Variants in UBE2E2 observed in about 807,000 individuals in gnomAD.
UBE2E2 encodes the protein ubiquitin conjugating enzyme E2 E2.
UBE2E2 carries 6 observed loss-of-function variants against 24.7 expected under a neutral mutation model. That is an observed-to-expected ratio of 0.24 (90% confidence interval 0.13 to 0.48). The LOEUF is 0.48. Ranked by LOEUF, UBE2E2 falls within the 20% of genes least tolerant of loss-of-function variation. UBE2E2 has a pLI of 0.99. For missense variants in UBE2E2, 169 were observed against 245.0 expected (o/e 0.69, Z 2.07); for synonymous variants, 104 against 83.6 (o/e 1.24, Z -1.33).
intron 3 of UBE2E2, among the ~76,000 whole-genome samples, chr3:23,415,084 G>A (rs914620575): frequency 7.9e-5 from 12 of 152,170 alleles, no homozygotes; most frequent in Non-Finnish European, 1.5e-4. Flanking sequence ...CAAGGTTGGG[G>A]AACTTGTAAG....
chr3:23,335,694 C>T (rs984110549), intron 3 of UBE2E2, among the ~76,000 whole-genome samples: 2 of 152,096 alleles, frequency 1.3e-5, no homozygotes. Context: ...GCCACCTCAC[C>T]TGGCTAATTT....
intron 3 of UBE2E2, among the ~76,000 whole-genome samples, chr3:23,388,527 A>G (rs963256936): frequency 2.0e-5 from 3 of 152,210 alleles, no homozygotes; most frequent in Non-Finnish European, 4.4e-5. Flanking sequence ...TAAAGCTTTT[A>G]TTAGCACCTT....
intron 3 of UBE2E2, among the ~76,000 whole-genome samples, chr3:23,411,841 A>T (rs564007182): frequency 6.6e-6 from 1 of 152,258 alleles, no homozygotes; most frequent in East Asian, 1.9e-4. Flanking sequence ...TATTGTTATA[A>T]TTATTATGTG....
chr3:23,258,934 C>T (rs1697821111), intron 3 of UBE2E2, among the ~76,000 whole-genome samples: 1 of 150,152 alleles, frequency 6.7e-6, no homozygotes, highest in South Asian at 2.1e-4. Context: ...AGATTCTAAC[C>T]CCAGGAAAGG....
intron 4 of UBE2E2, among the ~76,000 whole-genome samples, chr3:23,503,705 T>C (rs1473218527): frequency 6.6e-6 from 1 of 151,772 alleles, no homozygotes; most frequent in African/African-American, 2.4e-5. Context: ...AATACAAAAA[T>C]TATCTGGGCA....
intron 3 of UBE2E2, among the ~76,000 whole-genome samples, chr3:23,429,780 C>T (rs528762714): frequency 6.6e-6 from 1 of 152,214 alleles, no homozygotes; most frequent in African/African-American, 2.4e-5. Flanking sequence ...CGAAAAGAAT[C>T]GACAAGAAAC....
At chr3:23,352,946 G>A (rs1231356057) in intron 3 of UBE2E2, among the ~76,000 whole-genome samples, 1 of 152,148 alleles carries the variant, frequency 6.6e-6, no homozygotes, top group Non-Finnish European at 1.5e-5. Context: ...GAGAATTTTA[G>A]ACCAATATCC....
chr3:23,221,536 G>A (rs892660428), intron 3 of UBE2E2, among the ~76,000 whole-genome samples: 2 of 151,988 alleles, frequency 1.3e-5, no homozygotes, highest in African/African-American at 2.4e-5. Context: ...TGGACATTTT[G>A]TATAAATGAA....
chr3:23,286,197 T>C (rs1324231489), intron 3 of UBE2E2, among the ~76,000 whole-genome samples: 1 of 152,200 alleles, frequency 6.6e-6, no homozygotes, highest in East Asian at 1.9e-4. Context: ...CATTTGCCCA[T>C]TTTTGCTTTA....
intron 3 of UBE2E2, among the ~76,000 whole-genome samples, chr3:23,233,022 C>T (rs1184454604): frequency 2.6e-5 from 4 of 152,092 alleles, no homozygotes; most frequent in African/African-American, 7.2e-5. Context: ...GTGTCAGGCT[C>T]AAGTTAGCAG....
intron 4 of UBE2E2, among the ~76,000 whole-genome samples, chr3:23,530,868 T>C (rs1042589003): frequency 3.9e-5 from 6 of 152,172 alleles, no homozygotes; most frequent in African/African-American, 7.2e-5. Context: ...CCCTTCCCTC[T>C]TCCCAAAACC....
intron 3 of UBE2E2, among the ~76,000 whole-genome samples, chr3:23,482,110 A>G (rs914152401): frequency 1.3e-5 from 2 of 152,242 alleles, no homozygotes; most frequent in African/African-American, 4.8e-5. Context: ...GCAATTGAGT[A>G]GTGAACTGTG....
intron 3 of UBE2E2, among the ~76,000 whole-genome samples, chr3:23,400,942 A>C (rs1186832337): frequency 6.6e-6 from 1 of 152,222 alleles, no homozygotes; most frequent in Admixed American, 6.5e-5. Flanking sequence ...GACAGGCTGT[A>C]ATCAAACAAA....
chr3:23,523,975 G>C (rs1265301906), intron 4 of UBE2E2, among the ~76,000 whole-genome samples: 2 of 149,700 alleles, frequency 1.3e-5, no homozygotes, highest in African/African-American at 4.9e-5. Context: ...GGGTTGGGGG[G>C]TTCTCCGTGG....
chr3:23,527,072 A>G (rs1695015464), intron 4 of UBE2E2, among the ~76,000 whole-genome samples: 1 of 152,212 alleles, frequency 6.6e-6, no homozygotes, highest in South Asian at 2.1e-4. Flanking sequence ...AAAGTGTTCA[A>G]CATTATTAGC....
At chr3:23,554,359 A>T (rs1460606491) in intron 5 of UBE2E2, among the ~76,000 whole-genome samples, 1 of 152,132 alleles carries the variant, frequency 6.6e-6, no homozygotes, top group African/African-American at 2.4e-5. Context: ...ATGTAAAAGA[A>T]TGAAATTGAG....
intron 3 of UBE2E2, among the ~76,000 whole-genome samples, chr3:23,392,519 A>C (rs1490189547): frequency 1.3e-5 from 2 of 152,158 alleles, no homozygotes; most frequent in African/African-American, 4.8e-5. Context: ...CAAAACAGGA[A>C]GAAGAAGAGG....
intron 3 of UBE2E2, among the ~76,000 whole-genome samples, chr3:23,363,462 A>G (rs1399388482): frequency 4.6e-5 from 7 of 152,250 alleles, no homozygotes; most frequent in Non-Finnish European, 1.0e-4. Context: ...AAATTGCCCA[A>G]GCAAATGGAA....
At chr3:23,270,348 TGC>T (rs952591548) in intron 3 of UBE2E2, among the ~76,000 whole-genome samples, 47 of 152,156 alleles carry the variant, frequency 3.1e-4, no homozygotes, top group African/African-American at 1.1e-3. Flanking sequence ...GTGTATTTTG[TGC>T]ACAAAGGGCT....
Sources: allele counts gnomAD v4.1 joint callset (sites outside exome capture counted in the v4.1 genomes callset), GRCh38; gene constraint gnomAD v4.1.1; transcripts MANE v1.5; gene names NCBI Gene and HGNC (gene_info 2026-07-23, HGNC 2026-07-21).